The following MYO1F variants were observed in gnomAD, a reference collection of about 807,000 sequenced individuals.
MYO1F encodes myosin IF, also known as unconventional myosin-If.
In MYO1F, 60 loss-of-function variants were observed where a neutral mutation model predicts 146.6. That is an observed-to-expected ratio of 0.41 (90% CI 0.33 to 0.51). MYO1F has a LOEUF of 0.51. Among genes scored for constraint, MYO1F ranks in the 20% least tolerant of loss-of-function variants. The pLI is 0.25. For synonymous variants in MYO1F, 602 were observed against 602.1 expected, an observed-to-expected ratio of 1.00 and a Z score of 0.00; for missense variants, 1,274 against 1,534.3, an observed-to-expected ratio of 0.83 and a Z score of 2.83.
intron 21 of MYO1F, 151 bp from the exon 22 acceptor site, chr19:8,527,634 A>T (rs1226793485): frequency 2.1e-6 from 2 of 943,390 alleles, no homozygotes; most frequent in Non-Finnish European, 3.2e-6. Context: ...TGTTTTGTAG[A>T]CAGGGTCTCA....
chr19:8,574,834 C>A (rs1340893545), intron 1 of MYO1F, among the ~76,000 whole-genome samples: 2 of 149,094 alleles, frequency 1.3e-5, no homozygotes, highest in Non-Finnish European at 3.0e-5. Context: ...CGTCTCATTG[C>A]GACCTCTGCC....
intron 1 of MYO1F, among the ~76,000 whole-genome samples, chr19:8,560,286 C>T (rs1974030921): frequency 6.6e-6 from 1 of 151,668 alleles, no homozygotes; most frequent in Admixed American, 6.6e-5. Flanking sequence ...AGATCGAGAC[C>T]ATCCTGGCTA....
At chr19:8,522,096 C>T (rs1476373358) in intron 27 of MYO1F, among the ~76,000 whole-genome samples, 1 of 151,248 alleles carries the variant, frequency 6.6e-6, no homozygotes, top group Non-Finnish European at 1.5e-5. Flanking sequence ...AATCTCGGCT[C>T]ACTGCAAGCT....
intron 23 of MYO1F, 30 bp from the exon 24 acceptor site, chr19:8,526,631 C>G: frequency 6.4e-7 from 1 of 1,571,658 alleles, no homozygotes; most frequent in Non-Finnish European, 8.6e-7. Flanking sequence ...CTTGGGGGCG[C>G]TGGCTGAGGT....
intron 1 of MYO1F, among the ~76,000 whole-genome samples, chr19:8,560,896 G>A (rs1343735280): frequency 5.3e-5 from 8 of 151,908 alleles, no homozygotes; most frequent in Non-Finnish European, 8.8e-5. Flanking sequence ...CCGCCACCAC[G>A]GCGGCTAATT....
chr19:8,576,898 T>C, intron 1 of MYO1F: 1 of 302,654 alleles, frequency 3.3e-6, no homozygotes. Flanking sequence ...ATGACATCTG[T>C]GGGAACCGGG....
intron 1 of MYO1F, among the ~76,000 whole-genome samples, chr19:8,556,746 G>A (rs1973875143): frequency 6.6e-6 from 1 of 151,836 alleles, no homozygotes; most frequent in Admixed American, 6.6e-5. Flanking sequence ...AATTAGCCAG[G>A]TGTGCTGGCA....
At chr19:8,532,478 C>T (rs1487042027) in intron 19 of MYO1F, among the ~76,000 whole-genome samples, 1 of 152,060 alleles carries the variant, frequency 6.6e-6, no homozygotes, top group East Asian at 1.9e-4. Context: ...CAATAGCATG[C>T]CTGTCAGAGA....
At position 8,530,034 on chromosome 19, in the gene MYO1F, A is replaced by G; in HGVS notation, c.2328+162T>C. The G allele has an allele frequency of 2.2e-6, 2 of 925,298 alleles. No individual in the cohort carries two copies. Among genetic ancestry groups the G allele is most frequent in the South Asian group, 1.4e-5 (1 of 73,118 alleles). The allele number at this position is 925,298 out of a possible 1,614,324, so 57.3% of individuals were successfully genotyped here. ...CAGATGGATCTAGGCTGGGGGATCT[A>G]TGCCTGTGGGCAGGTGCATATGGGC... On this transcript the variant is annotated intron_variant, in intron 21 of 27. Transcript: ENST00000644032. This position sits in a 1 kb window ranked among gnomAD's most constrained non-coding sequence, Gnocchi z 5.8.
chr19:8,533,611 C>T (rs146125749), intron 19 of MYO1F, among the ~76,000 whole-genome samples: 1,923 of 152,046 alleles, frequency 0.013, 46 homozygotes, highest in African/African-American at 0.044. Context: ...CCTGCCTCGG[C>T]CTCCCAAAGT....
intron 8 of MYO1F, 175 bp downstream of exon 8, chr19:8,551,565 C>T (rs1056036655): frequency 2.8e-5 from 23 of 831,890 alleles, no homozygotes; most frequent in African/African-American, 1.1e-4. Flanking sequence ...TTGGCCAGGC[C>T]GGTCTTAAAC....
chr19:8,546,532 A>G (rs1411619560), intron 12 of MYO1F, among the ~76,000 whole-genome samples: 1 of 151,410 alleles, frequency 6.6e-6, no homozygotes, highest in Non-Finnish European at 1.5e-5. Flanking sequence ...GCTAATTTTT[A>G]TGTTTTTTGT....
At chr19:8,547,986 A>AG in intron 12 of MYO1F, 50 bp downstream of exon 12, 4 of 837,522 alleles carry the variant, frequency 4.8e-6, no homozygotes, top group Admixed American at 1.7e-5. Flanking sequence ...TGGTCCTTCC[A>AG]CCCCACCCCC....
chr19:8,539,530 A>G (rs1226553864), intron 16 of MYO1F, among the ~76,000 whole-genome samples: 1 of 151,594 alleles, frequency 6.6e-6, no homozygotes, highest in African/African-American at 2.4e-5. Context: ...CAGGAGGCGG[A>G]GGTTGCAGAG....
rs189992688 is a variant in MYO1F at position 8,526,806 on chromosome 19, G to A, written c.2604C>T (p.Pro868=). 2.5e-6 allele frequency: 4 copies of A among 1,612,526 alleles called. No homozygotes were observed. The African/African-American group carries it at 4.0e-5, about 16-fold the overall frequency. Reference sequence around the variant, plus strand: ...GGCCGTACGTGTCGCTGAAGGTGAGGGGCAGGGGCCTCCGCGTCGCCTCCT... The same window carrying A: ...GGCCGTACGTGTCGCTGAAGGTGAGAGGCAGGGGCCTCCGCGTCGCCTCCT... The part of the protein sequence containing the change: ...RFEEATRRPL[P]LTFSDTLQFR... Residue 868 remains proline, a synonymous_variant, in exon 23 of 28, where the codon CCC becomes CCT. Transcript: ENST00000644032.
chr19:8,523,666 T>A (rs911209100), intron 25 of MYO1F, among the ~76,000 whole-genome samples: 1 of 152,000 alleles, frequency 6.6e-6, no homozygotes, highest in Non-Finnish European at 1.5e-5. Context: ...TATTTTTTAT[T>A]TGTTTAGAGA....
At chr19:8,551,988 T>G in intron 7 of MYO1F, 45 bp downstream of exon 7, 1 of 1,613,922 alleles carries the variant, frequency 6.2e-7, no homozygotes. Context: ...TCCACCCCGC[T>G]GGGCTCCAGG....
chr19:8,551,488 A>T, intron 8 of MYO1F: 1 of 479,106 alleles, frequency 2.1e-6, no homozygotes, highest in Non-Finnish European at 3.8e-6. Flanking sequence ...AGTAGCTGGG[A>T]TTACAGTCAC....
chr19:8,539,595 C>A (rs1245808134), intron 16 of MYO1F, among the ~76,000 whole-genome samples: 27 of 143,566 alleles, frequency 1.9e-4, no homozygotes, highest in African/African-American at 4.5e-4. Context: ...GACTCTGTCT[C>A]AAAAAAAAAA....
Sources: allele counts gnomAD v4.1 joint callset (sites outside exome capture counted in the v4.1 genomes callset), GRCh38; gene constraint gnomAD v4.1.1; non-coding constraint Gnocchi (gnomAD v3.1); transcripts MANE v1.5; gene names NCBI Gene and HGNC (gene_info 2026-07-23, HGNC 2026-07-21).